TRPM3: variants seen among roughly 807,000 people sequenced by gnomAD.
TRPM3 encodes the protein transient receptor potential cation channel subfamily M member 3, also known as long transient receptor potential channel 3.
A neutral mutation model predicts 181.2 loss-of-function variants in TRPM3; 77 were observed. That is an observed-to-expected ratio of 0.42 (90% CI 0.35 to 0.51). The LOEUF is 0.51. Among genes scored for constraint, TRPM3 ranks in the 20% least tolerant of loss-of-function variants. TRPM3 has a pLI of 0.01. For missense variants in TRPM3, 1,759 were observed against 2,196.7 expected, an observed-to-expected ratio of 0.80 and a Z score of 3.98; for synonymous variants, 745 against 796.4, an observed-to-expected ratio of 0.94 and a Z score of 1.09.
chr9:70,912,932 A>G (rs1188935218), intron 1 of TRPM3, among the ~76,000 whole-genome samples: 1 of 152,218 alleles, frequency 6.6e-6, no homozygotes. Context: ...CTATAATGAT[A>G]ATGTACATTT....
chr9:71,342,198 GGA>G (rs1490608238), intron 1 of TRPM3, among the ~76,000 whole-genome samples: 1 of 145,562 alleles, frequency 6.9e-6, no homozygotes, highest in Non-Finnish European at 1.5e-5. Context: ...TGGCACATTT[GGA>G]ATGCCAAATG....
At chr9:70,776,519 G>A (rs2081394421) in intron 7 of TRPM3, 5 of 690,658 alleles carry the variant, frequency 7.2e-6, no homozygotes, top group Middle Eastern at 2.4e-4. Context: ...AAAGAAACAA[G>A]GAAATAAGTA....
intron 8 of TRPM3, among the ~76,000 whole-genome samples, chr9:70,685,620 C>T (rs564353367): frequency 4.6e-5 from 7 of 152,172 alleles, no homozygotes; most frequent in African/African-American, 1.7e-4. Context: ...TTGCCCAGAG[C>T]GATCTCAAAC....
chr9:71,150,555 A>C (rs909689996), intron 1 of TRPM3, among the ~76,000 whole-genome samples: 6 of 152,166 alleles, frequency 3.9e-5, no homozygotes, highest in Admixed American at 6.6e-5. Flanking sequence ...TACCTCCAAT[A>C]CTATCGAAAC....
chr9:71,142,947 A>T lies in TRPM3; in HGVS notation c.184-278436T>A, dbSNP rs183180098. Among the ~76,000 whole-genome samples the T allele has an allele frequency of 5.4e-5, 8 of 148,038 alleles. No individual in the cohort carries two copies. The East Asian group carries it at 1.4e-3, about 26-fold the overall frequency. The stretch of plus-strand genomic sequence containing the variant: ...GGGAACCATAGGGAAATAAAAAATA[A>T]TGGAAAATATAAAATTATTAAAAAG... On this transcript the variant is annotated intron_variant, in intron 1 of 24. Transcript: ENST00000357533.
At chr9:70,588,086 C>T (rs950144682) in intron 22 of TRPM3, among the ~76,000 whole-genome samples, 3 of 152,152 alleles carry the variant, frequency 2.0e-5, no homozygotes, top group African/African-American at 7.2e-5. Flanking sequence ...TTCAACATGG[C>T]TTAGAGGTGA....
At chr9:70,596,140 T>C (rs1385050338) in intron 21 of TRPM3, among the ~76,000 whole-genome samples, 1 of 152,212 alleles carries the variant, frequency 6.6e-6, no homozygotes, top group Non-Finnish European at 1.5e-5. Flanking sequence ...TTAGTATGTA[T>C]TATTTCTAAT....
chr9:71,172,489 T>C (rs1006123293), intron 1 of TRPM3, among the ~76,000 whole-genome samples: 5 of 152,016 alleles, frequency 3.3e-5, no homozygotes, highest in Admixed American at 1.3e-4. Context: ...CACTCCAGCC[T>C]CAACCTCTCT....
intron 7 of TRPM3, among the ~76,000 whole-genome samples, chr9:70,782,368 C>T (rs1427730406): frequency 6.6e-6 from 1 of 152,100 alleles, no homozygotes; most frequent in Non-Finnish European, 1.5e-5. Context: ...CATGCCACCA[C>T]ACCTGGCTAA....
chr9:71,174,267 TAC>T (rs1382048695), intron 1 of TRPM3, among the ~76,000 whole-genome samples: 3 of 151,538 alleles, frequency 2.0e-5, no homozygotes, highest in Admixed American at 1.3e-4. Flanking sequence ...TATGGCGGGG[TAC>T]AGTGGTTCAG....
At chr9:71,356,346 A>T (rs1349133393) in intron 1 of TRPM3, among the ~76,000 whole-genome samples, 1 of 152,056 alleles carries the variant, frequency 6.6e-6, no homozygotes. Context: ...AATAGGCCCC[A>T]GTGTGTGTTG....
intron 1 of TRPM3, among the ~76,000 whole-genome samples, chr9:70,969,003 T>C (rs577991491): frequency 3.8e-4 from 58 of 152,134 alleles, no homozygotes; most frequent in African/African-American, 1.2e-3. Context: ...AAAGCCAAAA[T>C]TGACAAATAG....
chr9:70,930,733 C>A (rs1263509418), intron 1 of TRPM3, among the ~76,000 whole-genome samples: 3 of 152,032 alleles, frequency 2.0e-5, no homozygotes, highest in Non-Finnish European at 2.9e-5. Flanking sequence ...ATTCAATTAT[C>A]CTCAATATCA....
intron 1 of TRPM3, among the ~76,000 whole-genome samples, chr9:71,365,776 C>T (rs1461058149): frequency 6.6e-6 from 1 of 152,090 alleles, no homozygotes; most frequent in Non-Finnish European, 1.5e-5. Context: ...CCTCACTTCA[C>T]TCAACAAATA....
intron 1 of TRPM3, among the ~76,000 whole-genome samples, chr9:71,079,961 G>A (rs2064004255): frequency 6.6e-6 from 1 of 151,946 alleles, no homozygotes; most frequent in South Asian, 2.1e-4. Flanking sequence ...ACCTGAGGTT[G>A]GGAGTTCGAG....
At chr9:70,840,271 G>C (rs1013305752) in intron 5 of TRPM3, among the ~76,000 whole-genome samples, 4 of 152,258 alleles carry the variant, frequency 2.6e-5, no homozygotes, top group Admixed American at 1.3e-4. Flanking sequence ...AGTTTTAAGG[G>C]AAGAAGGTAA....
At chr9:71,313,469 T>C (rs1168274427) in intron 1 of TRPM3, among the ~76,000 whole-genome samples, 2 of 152,198 alleles carry the variant, frequency 1.3e-5, no homozygotes, top group Admixed American at 1.3e-4. Flanking sequence ...ATGTCATTTA[T>C]GTTTCATTCC....
chr9:70,656,775 T>G (rs2060399527), intron 9 of TRPM3, among the ~76,000 whole-genome samples: 1 of 152,150 alleles, frequency 6.6e-6, no homozygotes, highest in Non-Finnish European at 1.5e-5. Flanking sequence ...GAAAATAAAT[T>G]GTAGGAAAAC....
chr9:70,852,610 C>A (rs922988978), intron 3 of TRPM3, among the ~76,000 whole-genome samples: 2 of 152,180 alleles, frequency 1.3e-5, no homozygotes, highest in Non-Finnish European at 2.9e-5. Context: ...CAGCCTCCTA[C>A]TGACTTCTTT....
Sources: allele counts gnomAD v4.1 joint callset (sites outside exome capture counted in the v4.1 genomes callset), GRCh38; gene constraint gnomAD v4.1.1; transcripts MANE v1.5; gene names NCBI Gene and HGNC (gene_info 2026-07-23, HGNC 2026-07-21).